Variants in EYS observed in about 807,000 individuals in gnomAD.
EYS encodes the protein protein eyes shut homolog.
In EYS, 250 loss-of-function variants were observed where a neutral mutation model predicts 282.1. The observed-to-expected ratio is 0.89, with a 90% CI of 0.80 to 0.98. The LOEUF (loss-of-function observed/expected upper bound fraction) is 0.98. Ranked by LOEUF, EYS falls within the 50% of genes least tolerant of loss-of-function variation. EYS has a pLI of 0.00. For synonymous variants in EYS, 1,355 were observed against 1,282.9 expected (o/e 1.06, Z -1.20); for missense variants, 4,016 against 3,709.0 (o/e 1.08, Z -2.15).
chr6:64,391,851 T>A (rs532246823), intron 28 of EYS, among the ~76,000 whole-genome samples: 33 of 152,168 alleles, frequency 2.2e-4, no homozygotes, highest in Non-Finnish European at 3.7e-4. Context: ...AACAGTCAAG[T>A]CCCTTCAGTG....
At chr6:64,238,958 T>C (rs2150342091) in intron 30 of EYS, among the ~76,000 whole-genome samples, 1 of 152,284 alleles carries the variant, frequency 6.6e-6, no homozygotes, top group Non-Finnish European at 1.5e-5. Flanking sequence ...TGTGTCCATG[T>C]GTTCTCATTG....
rs1219086055 is a variant in EYS, at chr6:64,779,216, A to C, written c.3443+34162T>G. 2.0e-5 allele frequency among the ~76,000 whole-genome samples: 3 copies of C among 152,168 alleles called. No homozygotes were observed. In the East Asian group the frequency reaches 5.8e-4, roughly 29 times the overall value. Reference sequence around the variant, plus strand: ...AAATATGTATAGCAGGTTTGTTTCTAATTGCCAAAACTTGGAAGTATTTAA... The same window carrying C: ...AAATATGTATAGCAGGTTTGTTTCTCATTGCCAAAACTTGGAAGTATTTAA... On this transcript the variant is annotated intron_variant, in intron 22 of 42. Coordinates refer to ENST00000503581, the MANE Select transcript of EYS (RefSeq NM_001142800.2).
At chr6:64,390,114 G>C (rs868369294) in intron 28 of EYS, among the ~76,000 whole-genome samples, 1 of 152,152 alleles carries the variant, frequency 6.6e-6, no homozygotes, top group South Asian at 2.1e-4. Flanking sequence ...ACCTGGCTCC[G>C]AGGGTCCTAC....
At chr6:65,199,271 T>C (rs78117493) in intron 12 of EYS, among the ~76,000 whole-genome samples, 6,479 of 152,196 alleles carry the variant, frequency 0.043, 191 homozygotes, top group Middle Eastern at 0.065. Flanking sequence ...TTTACTTGAG[T>C]GGGCTTCCAC....
chr6:64,095,719 C>G (rs560723094), intron 31 of EYS, among the ~76,000 whole-genome samples: 9 of 152,254 alleles, frequency 5.9e-5, no homozygotes, highest in Non-Finnish European at 1.2e-4. Context: ...ATTTGCCAGG[C>G]TGTGTCTTTT....
intron 1 of EYS, among the ~76,000 whole-genome samples, chr6:65,660,865 A>G (rs1767981197): frequency 6.6e-6 from 1 of 151,752 alleles, no homozygotes; most frequent in East Asian, 1.9e-4. Flanking sequence ...TCCTTCTTTT[A>G]TTGCTTTGTA....
At chr6:63,995,954 T>G in intron 34 of EYS, among the ~76,000 whole-genome samples, 1 of 152,000 alleles carries the variant, frequency 6.6e-6, no homozygotes, top group East Asian at 1.9e-4. Context: ...TTTCAATTTC[T>G]TACCACAAAG....
chr6:65,571,606 C>A (rs922486679), intron 2 of EYS, among the ~76,000 whole-genome samples: 1 of 151,904 alleles, frequency 6.6e-6, no homozygotes, highest in Non-Finnish European at 1.5e-5. Flanking sequence ...TCTCCTATAG[C>A]CATAGTCCCG....
rs144265848 is a variant in EYS at position 64,112,387 on chromosome 6, A to G, written c.6425-30385T>C. 2.9e-3 allele frequency among the ~76,000 whole-genome samples: 438 copies of G among 152,092 alleles called. 3 individuals carry two copies. The highest frequency in any genetic ancestry group is 0.01 in the African/African-American group (419 of 41,514). On this transcript the variant is annotated intron_variant, in intron 31 of 42. Transcript: ENST00000503581. ...GTGGTGGACGTTCAACACCAGACTG[A>G]GTTTGTATATATGTATTTTTTATTT...
chr6:64,142,558 C>T (rs146988411), intron 31 of EYS, among the ~76,000 whole-genome samples: 148 of 152,100 alleles, frequency 9.7e-4, no homozygotes, highest in African/African-American at 2.6e-3. Flanking sequence ...TGGCCAGGTA[C>T]GCAGGAACCA....
chr6:64,096,570 C>T (rs1419784788), intron 31 of EYS, among the ~76,000 whole-genome samples: 9 of 152,178 alleles, frequency 5.9e-5, no homozygotes, highest in East Asian at 1.9e-4. Context: ...GCATTCGTCA[C>T]GTAGTTCTCA....
chr6:65,517,477 T>C lies in EYS; in HGVS notation c.-332-21484A>G, dbSNP rs560117024. Among the ~76,000 whole-genome samples the C allele has an allele frequency of 3.3e-5, 5 of 152,112 alleles. No individual in the cohort carries two copies. In the South Asian group the frequency reaches 1.0e-3, roughly 31 times the overall value. On this transcript the variant is annotated intron_variant, in intron 2 of 42. Transcript: ENST00000503581. ...TGCCTTTACATCCAAGCTAATAAAA[T>C]TACGGTTGAAGCAATACTTACGTAT...
intron 30 of EYS, among the ~76,000 whole-genome samples, chr6:64,300,392 G>A (rs1187218361): frequency 6.6e-6 from 1 of 152,176 alleles, no homozygotes; most frequent in Non-Finnish European, 1.5e-5. Flanking sequence ...TTGTATACAA[G>A]CGACATCCCA....
intron 12 of EYS, among the ~76,000 whole-genome samples, chr6:65,292,168 A>G (rs1379741443): frequency 2.6e-5 from 4 of 151,720 alleles, no homozygotes; most frequent in African/African-American, 4.8e-5. Flanking sequence ...AATATCTCCT[A>G]CTTTCTCCTC....
chr6:65,218,062 A>T (rs1766361498), intron 12 of EYS, among the ~76,000 whole-genome samples: 3 of 152,082 alleles, frequency 2.0e-5, no homozygotes, highest in Admixed American at 6.6e-5. Flanking sequence ...TTATATTTTT[A>T]AATAGAATAA....
chr6:63,756,961 C>A (rs1412203184), intron 41 of EYS, among the ~76,000 whole-genome samples: 1 of 152,052 alleles, frequency 6.6e-6, no homozygotes, highest in African/African-American at 2.4e-5. Flanking sequence ...TTAAACTGTA[C>A]AAATTGATCG....
At chr6:63,883,869 C>T (rs1302064824) in intron 35 of EYS, among the ~76,000 whole-genome samples, 1 of 152,172 alleles carries the variant, frequency 6.6e-6, no homozygotes. Flanking sequence ...CAGTTTCAGC[C>T]TCAATGTTAT....
At chr6:65,037,825 T>A (rs1380221009) in intron 13 of EYS, among the ~76,000 whole-genome samples, 1 of 151,752 alleles carries the variant, frequency 6.6e-6, no homozygotes, top group Non-Finnish European at 1.5e-5. Flanking sequence ...TATTCTAGTA[T>A]CATATGTAAA....
rs779530881 is a variant in EYS at position 64,436,218 on chromosome 6, A to C, written c.5883T>G (p.Thr1961=). ...TTTGCCCGTTGTCCACTCTAACAGT[A>C]GTATTAATGCTTTTAAATTTTGCTT... ...PGEAKFKSIN[T]TVRVDNGQKY... Residue 1961 remains threonine, a synonymous_variant, in exon 28 of 43, where the codon ACT becomes ACG. Transcript: ENST00000503581. 2.7e-4 allele frequency: 411 copies of C among 1,544,978 alleles called. No individual in the cohort carries two copies. The highest frequency in any genetic ancestry group is 3.4e-4 in the Non-Finnish European group (387 of 1,142,902).
Sources: allele counts gnomAD v4.1 joint callset (sites outside exome capture counted in the v4.1 genomes callset), GRCh38; gene constraint gnomAD v4.1.1; transcripts MANE v1.5; gene names NCBI Gene and HGNC (gene_info 2026-07-23, HGNC 2026-07-21).